SGMS1: variants seen among roughly 807,000 people sequenced by gnomAD.
The protein encoded by SGMS1 is sphingomyelin synthase 1, also known as phosphatidylcholine:ceramide cholinephosphotransferase 1.
A neutral mutation model predicts 46.2 loss-of-function variants in SGMS1; 13 were observed. The observed-to-expected ratio is 0.28, with a 90% confidence interval of 0.18 to 0.45. The LOEUF is 0.45. Ranked by LOEUF, SGMS1 falls within the 20% of genes least tolerant of loss-of-function variation. The pLI, the probability that SGMS1 is intolerant of heterozygous loss-of-function variation, is 1.00. For missense variants in SGMS1, 324 were observed against 519.9 expected, an observed-to-expected ratio of 0.62 and a Z score of 3.66; for synonymous variants, 203 against 187.8, an observed-to-expected ratio of 1.08 and a Z score of -0.66.
intron 6 of SGMS1, among the ~76,000 whole-genome samples, chr10:50,398,410 A>G (rs1206843403): frequency 1.3e-5 from 2 of 152,142 alleles, no homozygotes; most frequent in Non-Finnish European, 1.5e-5. Context: ...AAACTGGTTT[A>G]TAAAGGCAAT....
chr10:50,619,572 CG>C (rs1021518915), intron 1 of SGMS1, among the ~76,000 whole-genome samples: 14 of 152,102 alleles, frequency 9.2e-5, no homozygotes, highest in Admixed American at 2.0e-4. Context: ...AGGAGAAAAA[CG>C]TAAAACAAGC....
intron 6 of SGMS1, among the ~76,000 whole-genome samples, chr10:50,350,872 G>A (rs766482017): frequency 8.5e-5 from 13 of 152,156 alleles, no homozygotes; most frequent in Non-Finnish European, 1.8e-4. Context: ...GGAGATGTGG[G>A]GTCAGAGCCC....
chr10:50,359,144 A>G (rs1848205183), intron 6 of SGMS1, among the ~76,000 whole-genome samples: 1 of 152,180 alleles, frequency 6.6e-6, no homozygotes, highest in African/African-American at 2.4e-5. Flanking sequence ...GCTAAGATAC[A>G]AGAAGAAGGG....
At chr10:50,379,439 TA>T (rs1208061871) in intron 6 of SGMS1, among the ~76,000 whole-genome samples, 9 of 24,720 alleles carry the variant, frequency 3.6e-4, no homozygotes, top group African/African-American at 3.1e-3. Flanking sequence ...CATATACATT[TA>T]TATATATATA....
intron 6 of SGMS1, among the ~76,000 whole-genome samples, chr10:50,408,812 C>A (rs1849059006): frequency 6.6e-6 from 1 of 152,064 alleles, no homozygotes; most frequent in Non-Finnish European, 1.5e-5. Flanking sequence ...GGAGTTCATG[C>A]TGCAGTAAGC....
intron 6 of SGMS1, chr10:50,418,549 AT>A (rs1283785406): frequency 1.3e-5 from 2 of 152,198 alleles, no homozygotes; most frequent in Admixed American, 1.3e-4. Context: ...TCCTTTCTTG[AT>A]TTATACCAAG....
rs377214250 is a variant in SGMS1 at position 50,589,670 on chromosome 10, C to T, written c.-589+483G>A. The stretch of plus-strand genomic sequence containing the variant: ...GTATTTTTTCTAGAGATGGGTCTCA[C>T]CTTGTTGCCTAGGCTGATTTTGAAA... On this transcript the variant is annotated intron_variant, in intron 2 of 10. Transcript: ENST00000361781. Among the ~76,000 whole-genome samples, 4 of 151,532 alleles carry T rather than the reference C, an allele frequency of 2.6e-5. No homozygotes were observed. The East Asian group carries it at 5.9e-4, about 22-fold the overall frequency.
At chr10:50,558,987 GA>G (rs748609592) in intron 2 of SGMS1, among the ~76,000 whole-genome samples, 1 of 152,074 alleles carries the variant, frequency 6.6e-6, no homozygotes, top group Non-Finnish European at 1.5e-5. Flanking sequence ...GTTTGACTGT[GA>G]GGGGTGGGGG....
At chr10:50,624,355 G>T (rs1453112654), upstream of SGMS1, among the ~76,000 whole-genome samples, 2 of 152,148 alleles carry the variant, frequency 1.3e-5, no homozygotes, top group Non-Finnish European at 2.9e-5. Context: ...ACTACTACTG[G>T]ATTCTTTTTC....
intron 2 of SGMS1, among the ~76,000 whole-genome samples, chr10:50,569,847 C>T (rs558818869): frequency 6.6e-6 from 1 of 152,210 alleles, no homozygotes; most frequent in Admixed American, 6.5e-5. Context: ...GTCTTCATGT[C>T]CCCTCCAAAG....
intron 3 of SGMS1, among the ~76,000 whole-genome samples, chr10:50,489,303 C>T (rs1837548523): frequency 6.6e-6 from 1 of 152,266 alleles, no homozygotes; most frequent in Non-Finnish European, 1.5e-5. Flanking sequence ...GCATCTTCCA[C>T]ATGACAGAGA....
chr10:50,326,143 T>C (rs538504895), intron 8 of SGMS1, among the ~76,000 whole-genome samples: 4 of 151,344 alleles, frequency 2.6e-5, no homozygotes, highest in South Asian at 2.1e-4. Flanking sequence ...AAGTAGTGTG[T>C]AGCAAAAAAT....
intron 6 of SGMS1, among the ~76,000 whole-genome samples, chr10:50,371,818 G>A (rs1291700679): frequency 2.6e-5 from 4 of 152,096 alleles, no homozygotes; most frequent in South Asian, 2.1e-4. Context: ...CTCTTGCTAC[G>A]TCATCCCATG....
chr10:50,317,031 A>T (rs1450354561), intron 8 of SGMS1, among the ~76,000 whole-genome samples: 1 of 152,254 alleles, frequency 6.6e-6, no homozygotes, highest in Non-Finnish European at 1.5e-5. Context: ...GCTCATGAAC[A>T]GAAAATTCAT....
chr10:50,426,879 A>G (rs1465329525), intron 6 of SGMS1, among the ~76,000 whole-genome samples: 1 of 152,232 alleles, frequency 6.6e-6, no homozygotes, highest in African/African-American at 2.4e-5. Flanking sequence ...GGAGATCTAA[A>G]ATTGCGAGAG....
At chr10:50,370,552 C>T (rs1848419167) in intron 6 of SGMS1, among the ~76,000 whole-genome samples, 1 of 151,586 alleles carries the variant, frequency 6.6e-6, no homozygotes. Context: ...ACCAGCCTGG[C>T]CAACATGGTG....
intron 6 of SGMS1, among the ~76,000 whole-genome samples, chr10:50,352,361 TG>T (rs1481462539): frequency 1.3e-5 from 2 of 152,222 alleles, no homozygotes; most frequent in African/African-American, 4.8e-5. Flanking sequence ...TATGTTAGCC[TG>T]GGCTCAGAGA....
intron 2 of SGMS1, among the ~76,000 whole-genome samples, chr10:50,528,931 C>A (rs140723032): frequency 6.6e-6 from 1 of 152,198 alleles, no homozygotes. Flanking sequence ...ATTCCATCAT[C>A]CAGTTCAGTC....
At chr10:50,401,903 A>G (rs1289833690) in intron 6 of SGMS1, among the ~76,000 whole-genome samples, 1 of 152,222 alleles carries the variant, frequency 6.6e-6, no homozygotes, top group Non-Finnish European at 1.5e-5. Flanking sequence ...TCACAAATGA[A>G]TTTCTGTCAC....
Sources: gnomAD v4.1 joint callset for allele counts (sites outside exome capture counted in the v4.1 genomes callset) on GRCh38, gnomAD v4.1.1 for gene constraint, MANE v1.5 for transcripts, NCBI Gene and HGNC (gene_info 2026-07-23, HGNC 2026-07-21) for gene names.